CLK2: variants seen among roughly 807,000 people sequenced by gnomAD.
The protein encoded by CLK2 is CDC like kinase 2.
A neutral mutation model predicts 73.5 loss-of-function variants in CLK2; 12 were observed. The ratio of observed to expected loss-of-function variants is 0.16; its 90% CI spans 0.10 to 0.26. CLK2 has a LOEUF of 0.26. Ranked by LOEUF, CLK2 falls within the 10% of genes least tolerant of loss-of-function variation. The probability of loss-of-function intolerance (pLI) is 1.00; values close to 1 mark genes in which losing one functional copy is unlikely to be tolerated. For synonymous variants in CLK2, 232 were observed against 237.9 expected, an observed-to-expected ratio of 0.98 and a Z score of 0.23; for missense variants, 509 against 688.4, an observed-to-expected ratio of 0.74 and a Z score of 2.92.
At chr1:155,272,085 C>T (rs1231370648) in intron 1 of CLK2, among the ~76,000 whole-genome samples, 2 of 149,792 alleles carry the variant, frequency 1.3e-5, no homozygotes, top group South Asian at 2.1e-4. Context: ...GGCGCAATCT[C>T]GGCTCACCAT....
At chr1:155,264,180 A>G in intron 11 of CLK2, 41 bp downstream of exon 11, 1 of 1,607,254 alleles carries the variant, frequency 6.2e-7, no homozygotes, top group Non-Finnish European at 8.5e-7. Flanking sequence ...TTCTGTGGAG[A>G]GAAAAGGAAA....
At position 155,266,844 on chromosome 1, in the gene CLK2, G is replaced by A; in HGVS notation, c.723C>T (p.Ile241=). 1.2e-6 allele frequency: 2 copies of A among 1,613,496 alleles called. No homozygotes were observed. The highest frequency in any genetic ancestry group is 1.7e-6 in the Non-Finnish European group (2 of 1,179,734). The change falls in exon 7 of 13, where the codon ATC becomes ATT. Residue 241 remains isoleucine (I), a synonymous_variant. Transcript: ENST00000368361. ...TGCTAAGGCCCAGAAGCTCAAAGGA[G>A]ATACACATGTGGCCATGGTAGTCAA... ...DWFDYHGHMC[I]SFELLGLSTF...
chr1:155,269,701 A>T lies in CLK2; in HGVS notation c.186T>A (p.Arg62=). The change falls in exon 3 of 13, where the codon CGT becomes CGA. Residue 62 remains arginine (R), a synonymous_variant. Coordinates refer to ENST00000368361, the MANE Select transcript of CLK2 (RefSeq NM_001294338.2). ...GGTCATACACCCTCCGGTCGGACGA[A>T]CGATCATCATAACTGCTGTTGGATA... ...HVRSRSSYDD[R]SSDRRVYDRR... 6.2e-7 allele frequency: 1 copy of T among 1,614,228 alleles called. No homozygotes were observed.
At chr1:155,263,550 T>G in intron 12 of CLK2, 150 bp from the exon 13 acceptor site, 1 of 1,437,624 alleles carries the variant, frequency 7.0e-7, no homozygotes, top group Non-Finnish European at 9.1e-7. Flanking sequence ...GACCAACGTT[T>G]CTGATATTAT....
In CLK2 at chr1:155,268,383, G is replaced by A. The variant is rs998578490; in HGVS notation, c.488-24C>T. ...ATCTGAAATGAAAGAGAGCAGGGTC[G>A]GGGAGAGGGAGGGAGAGAAGGTGGG... On this transcript the variant is annotated intron_variant, in intron 4 of 12. Coordinates refer to ENST00000368361, the MANE Select transcript of CLK2 (RefSeq NM_001294338.2). This position sits in a 1 kb window ranked among gnomAD's most constrained non-coding sequence, Gnocchi z 5.6. The A allele has an allele frequency of 1.9e-6, 3 of 1,607,988 alleles. No homozygotes were observed. Among genetic ancestry groups the A allele is most frequent in the African/African-American group, 1.3e-5 (1 of 74,902 alleles).
intron 6 of CLK2, among the ~76,000 whole-genome samples, chr1:155,267,731 T>G (rs1216561627): frequency 6.6e-6 from 1 of 152,248 alleles, no homozygotes; most frequent in African/African-American, 2.4e-5. Flanking sequence ...TGCTCAGTCC[T>G]AGGGCTATGT....
rs200422260 is a variant in CLK2, at chr1:155,269,612, T to C, written c.275A>G (p.Asp92Gly). Residue 92 changes from aspartate to glycine, a missense_variant, in exon 3 of 13, where the codon GAC becomes GGC. Physicochemically the swap from Asp to Gly is moderately conservative, Grantham distance 94. Around this residue, in one of 6 missense-constraint regions of CLK2, gnomAD observed 222 missense variants for 221.7 expected, o/e 1.00. Transcript: ENST00000368361. ...YSRDRGDAYY[D>G]TDYRHSYEYQ... The stretch of plus-strand genomic sequence containing the variant: ...TTCATAGGAATGCCGATAGTCTGTG[T>C]CATAGTAGGCATCTCCCCGATCCCG... The C allele has an allele frequency of 1.9e-6, 3 of 1,614,238 alleles. No individual in the cohort carries two copies. The Admixed American group carries it at 5.0e-5, about 27-fold the overall frequency.
intron 1 of CLK2, among the ~76,000 whole-genome samples, chr1:155,272,557 G>C (rs1346251615): frequency 1.3e-5 from 2 of 152,102 alleles, no homozygotes; most frequent in Non-Finnish European, 2.9e-5. Flanking sequence ...TAATGATTCC[G>C]ATGTCTGACC....
rs764237042 is a variant in CLK2 at position 155,264,736 on chromosome 1, C to G, written c.972G>C (p.Arg324=). ...DERSVKSTAV[R]VVDFGSATFD... is the part of the protein sequence containing the mutation. Reference sequence around the variant, plus strand: ...AGGTGGCACTGCCAAAGTCTACCACCCGCACAGCTGTGCTCTTCACACTGC... The same window carrying G: ...AGGTGGCACTGCCAAAGTCTACCACGCGCACAGCTGTGCTCTTCACACTGC... Residue 324 remains arginine (R), a synonymous_variant, in exon 9 of 13, where the codon CGG becomes CGC. Coordinates refer to ENST00000368361, the MANE Select transcript of CLK2 (RefSeq NM_001294338.2). The G allele has an allele frequency of 3.5e-5, 56 of 1,614,238 alleles. No individual in the cohort carries two copies. Among genetic ancestry groups the G allele is most frequent in the Middle Eastern group, 3.3e-4 (2 of 6,062 alleles).
chr1:155,263,543 C>A, intron 12 of CLK2, 143 bp from the exon 13 acceptor site: 1 of 1,441,688 alleles, frequency 6.9e-7, no homozygotes, highest in Non-Finnish European at 9.1e-7. Context: ...ACACCAGGAC[C>A]AACGTTTCTG....
At chr1:155,264,077 A>AC in intron 11 of CLK2, 37 bp from the exon 12 acceptor site, 1 of 1,584,566 alleles carries the variant, frequency 6.3e-7, no homozygotes, top group Non-Finnish European at 8.7e-7. Context: ...TCAGAAGGTC[A>AC]CCCTTGTTAC....
In CLK2 at chr1:155,270,768, G is replaced by A. The variant is rs556607715; in HGVS notation, c.170+40C>T. On this transcript the variant is annotated intron_variant, in intron 2 of 12. Coordinates refer to ENST00000368361, the MANE Select transcript of CLK2 (RefSeq NM_001294338.2). ...GTATTTGTTGAACAAAGGAATGAGC[G>A]AGTGACCCTGTGTTTGAGTATCTCT... 93 of 1,578,756 alleles carry A rather than the reference G, an allele frequency of 5.9e-5. No individual in the cohort carries two copies. In the Middle Eastern group the frequency reaches 9.9e-4, roughly 17 times the overall value.
chr1:155,269,543 C>T lies in CLK2; in HGVS notation c.344G>A (p.Arg115Gln), dbSNP rs369467509. 54 of 1,614,000 alleles carry T rather than the reference C, an allele frequency of 3.3e-5. No individual in the cohort carries two copies. The highest frequency in any genetic ancestry group is 2.5e-4 in the Admixed American group (15 of 60,012). The change falls in exon 3 of 13, where the codon CGG becomes CAG. Residue 115 changes from arginine (R) to glutamine (Q), a missense_variant. Arg to Gln is a conservative substitution (Grantham distance 43). Around this residue, in one of 6 missense-constraint regions of CLK2, gnomAD observed 222 missense variants for 221.7 expected, o/e 1.00. Transcript: ENST00000368361. ...NSSYRSQRSS[R>Q]RKHRRRRRRS... ...CCTCCTCCGCCGTCTGTGCTTCCTC[C>T]GGCTGCTGCGCTGGCTGCGGTAACT... is the stretch of plus-strand genomic sequence containing the variant.
At chr1:155,270,250 A>G (rs1433987724) in intron 2 of CLK2, among the ~76,000 whole-genome samples, 1 of 151,666 alleles carries the variant, frequency 6.6e-6, no homozygotes. Context: ...GCATGCCTGT[A>G]GTCCCAGGTA....
Position 155,269,000 on chromosome 1 carries a change from C to A in CLK2, c.400-205G>T. ...AGAGCGGCGCATAATCCCAAGTCCC[C>A]AAACCCAAAACAGGAACAGGGAGAG... On this transcript the variant is annotated intron_variant, in intron 3 of 12. Coordinates refer to ENST00000368361, the MANE Select transcript of CLK2 (RefSeq NM_001294338.2). This position sits in a 1 kb window ranked among gnomAD's most constrained non-coding sequence, Gnocchi z 5.6. 1.6e-6 allele frequency: 1 copy of A among 610,576 alleles called. No homozygotes were observed. The highest frequency in any genetic ancestry group is 2.9e-6 in the Non-Finnish European group (1 of 341,754). 37.8% of individuals were successfully genotyped at this position (610,576 alleles called of 1,614,324 possible). A position where few individuals can be genotyped will look rare whatever the true frequency, so the allele number is the denominator to read the frequency against.
intron 2 of CLK2, 32 bp from the exon 3 acceptor site, chr1:155,269,748 C>T (rs757076939): frequency 6.3e-7 from 1 of 1,574,958 alleles, no homozygotes; most frequent in South Asian, 1.1e-5. Context: ...TGAGGTGTAT[C>T]TGTTCAGATC....
intron 8 of CLK2, among the ~76,000 whole-genome samples, chr1:155,265,545 C>G (rs1281118756): frequency 7.9e-6 from 1 of 126,540 alleles, no homozygotes; most frequent in Non-Finnish European, 1.7e-5. Context: ...TCAGTCTGGG[C>G]AACAGAGTGA....
intron 1 of CLK2, among the ~76,000 whole-genome samples, chr1:155,271,945 A>G (rs1024305838): frequency 1.3e-5 from 2 of 152,078 alleles, no homozygotes; most frequent in Non-Finnish European, 2.9e-5. Flanking sequence ...AGTAGGCCAC[A>G]AAATACAGTC....
chr1:155,272,034 G>A (rs34927848), intron 1 of CLK2, among the ~76,000 whole-genome samples: 53,476 of 108,948 alleles, frequency 0.49, 11,182 homozygotes, highest in East Asian at 0.74. Flanking sequence ...TTTTTTTTTT[G>A]AAACGGAGTT....
Sources: gnomAD v4.1 joint callset for allele counts (sites outside exome capture counted in the v4.1 genomes callset) on GRCh38, gnomAD v4.1.1 for gene constraint, gnomAD v4.1.1 regional missense constraint, Gnocchi (gnomAD v3.1) non-coding constraint, MANE v1.5 for transcripts, NCBI Gene and HGNC (gene_info 2026-07-23, HGNC 2026-07-21) for gene names.